MYRIP: variants seen among roughly 807,000 people sequenced by gnomAD.
MYRIP encodes the protein rab effector MyRIP.
A neutral mutation model predicts 98.0 loss-of-function variants in MYRIP; 49 were observed. That is an observed-to-expected ratio of 0.50 (90% CI 0.40 to 0.63). The LOEUF (loss-of-function observed/expected upper bound fraction) is 0.63. MYRIP is among the 30% of genes least tolerant of loss of function. The probability of loss-of-function intolerance (pLI) is 0.00; values close to 1 mark genes in which losing one functional copy is unlikely to be tolerated. For missense variants in MYRIP, 1,004 were observed against 1,058.2 expected, an observed-to-expected ratio of 0.95 and a Z score of 0.71; for synonymous variants, 404 against 409.5, an observed-to-expected ratio of 0.99 and a Z score of 0.16.
At chr3:40,109,363 G>A (rs549475870) in intron 3 of MYRIP, among the ~76,000 whole-genome samples, 6 of 152,310 alleles carry the variant, frequency 3.9e-5, no homozygotes, top group South Asian at 2.1e-4. Context: ...AGACTTAGTC[G>A]AGTTCATGCT....
chr3:40,072,284 C>T (rs2125859935), intron 3 of MYRIP, among the ~76,000 whole-genome samples: 1 of 152,290 alleles, frequency 6.6e-6, no homozygotes, highest in South Asian at 2.1e-4. Context: ...TCTTGGCTTA[C>T]TGCAACCTCT....
At chr3:40,039,233 G>C (rs1380245314) in intron 2 of MYRIP, among the ~76,000 whole-genome samples, 1 of 152,116 alleles carries the variant, frequency 6.6e-6, no homozygotes, top group African/African-American at 2.4e-5. Context: ...AGTCTACCTA[G>C]TCACATAGAC....
intron 3 of MYRIP, among the ~76,000 whole-genome samples, chr3:40,046,352 G>T (rs1947667954): frequency 6.6e-6 from 1 of 151,882 alleles, no homozygotes; most frequent in Admixed American, 6.6e-5. Flanking sequence ...CCAACTGGTG[G>T]TAAACACCGC....
intron 3 of MYRIP, among the ~76,000 whole-genome samples, chr3:40,133,917 G>A (rs1020264454): frequency 4.6e-5 from 7 of 152,156 alleles, no homozygotes; most frequent in Non-Finnish European, 8.8e-5. Context: ...CAAGATGGCC[G>A]AGTAGGAACA....
chr3:40,172,593 T>C (rs148527034), intron 8 of MYRIP, among the ~76,000 whole-genome samples: 23 of 152,322 alleles, frequency 1.5e-4, no homozygotes, highest in African/African-American at 5.1e-4. Context: ...AAGGTGACTG[T>C]ATCTTCAAGG....
chr3:40,031,945 G>A (rs1947271470), intron 2 of MYRIP, among the ~76,000 whole-genome samples: 1 of 151,926 alleles, frequency 6.6e-6, no homozygotes, highest in East Asian at 1.9e-4. Flanking sequence ...ACCAGCTCCT[G>A]GATTCATTAA....
At position 40,162,827 on chromosome 3, in the gene MYRIP, G is replaced by A. The variant is rs201271413; in HGVS notation, c.550+17G>A. On this transcript the variant is annotated intron_variant, in intron 5 of 16. Transcript: ENST00000302541. ...AGTCAGAAGGTAAAGTTGCTTAAGA[G>A]TTTACAGCTACTGGGAAGTTGGAGT... 2.3e-5 allele frequency: 37 copies of A among 1,607,800 alleles called. No homozygotes were observed. The highest frequency in any genetic ancestry group is 6.7e-5 in the African/African-American group (5 of 74,918).
rs146598579 is a variant in MYRIP at position 40,029,851 on chromosome 3, G to A, written c.111-14199G>A. Among the ~76,000 whole-genome samples the A allele has an allele frequency of 9.6e-3, 1,454 of 152,108 alleles. 26 individuals carry two copies. Among genetic ancestry groups the A allele is most frequent in the African/African-American group, 0.032 (1,340 of 41,490 alleles). ...GAGGTAGGAAGATTACTTGAAGCTAGGAATTTGAGACCAGCCTGGGCAGCA... is the reference window on the plus strand; with the variant it reads ...GAGGTAGGAAGATTACTTGAAGCTAAGAATTTGAGACCAGCCTGGGCAGCA... On this transcript the variant is annotated intron_variant, in intron 2 of 16. Coordinates refer to ENST00000302541, the MANE Select transcript of MYRIP (RefSeq NM_015460.4).
At chr3:40,110,445 G>A (rs1339691020) in intron 3 of MYRIP, among the ~76,000 whole-genome samples, 1 of 152,250 alleles carries the variant, frequency 6.6e-6, no homozygotes, top group Non-Finnish European at 1.5e-5. Context: ...ATGTGAGTAA[G>A]AGAAATCAAG....
intron 2 of MYRIP, among the ~76,000 whole-genome samples, chr3:39,973,733 A>G (rs1377955009): frequency 1.3e-5 from 2 of 152,234 alleles, no homozygotes; most frequent in East Asian, 3.8e-4. Context: ...ACTAGAACTC[A>G]GGATTAAGAA....
intron 4 of MYRIP, among the ~76,000 whole-genome samples, chr3:40,153,831 T>A (rs1375109988): frequency 6.6e-6 from 1 of 152,180 alleles, no homozygotes; most frequent in Admixed American, 6.5e-5. Context: ...TGCGGATCAC[T>A]GTAGTTTGCC....
At chr3:40,160,098 G>C (rs1055450891) in intron 4 of MYRIP, among the ~76,000 whole-genome samples, 2 of 152,156 alleles carry the variant, frequency 1.3e-5, no homozygotes, top group African/African-American at 4.8e-5. Context: ...CAGTTTTTCT[G>C]CTCTGTTTTT....
intron 3 of MYRIP, among the ~76,000 whole-genome samples, chr3:40,120,576 T>C (rs1949381954): frequency 6.6e-6 from 1 of 152,172 alleles, no homozygotes; most frequent in African/African-American, 2.4e-5. Flanking sequence ...GGAGGTGAGA[T>C]GCAGAAAGAT....
intron 3 of MYRIP, among the ~76,000 whole-genome samples, chr3:40,093,328 C>T (rs921563873): frequency 2.0e-5 from 3 of 152,154 alleles, no homozygotes; most frequent in African/African-American, 7.2e-5. Context: ...TTTTACTTAA[C>T]ACTCTCCCCT....
At chr3:39,884,416 A>G (rs1025218061) in intron 1 of MYRIP, among the ~76,000 whole-genome samples, 1 of 152,084 alleles carries the variant, frequency 6.6e-6, no homozygotes, top group Non-Finnish European at 1.5e-5. Flanking sequence ...TGGATATTCT[A>G]TGAGGGTGAT....
chr3:40,016,314 C>T (rs960724975), intron 2 of MYRIP, among the ~76,000 whole-genome samples: 13 of 152,228 alleles, frequency 8.5e-5, no homozygotes, highest in African/African-American at 2.6e-4. Flanking sequence ...CCTTCACTGC[C>T]AGGTATGCCT....
intron 1 of MYRIP, among the ~76,000 whole-genome samples, chr3:39,884,408 G>C (rs1943235226): frequency 6.6e-6 from 1 of 152,074 alleles, no homozygotes; most frequent in Non-Finnish European, 1.5e-5. Context: ...CATTATTTTG[G>C]ATATTCTATG....
At position 39,944,824 on chromosome 3, in the gene MYRIP, A is replaced by G. The variant is rs887961570; in HGVS notation, c.110+43898A>G. ...ACAATCGCAAGAAGTATTGTTTATG[A>G]GTTTCTACTTCTACTTCTAAGTAGG... On this transcript the variant is annotated intron_variant, in intron 2 of 16. Coordinates refer to ENST00000302541, the MANE Select transcript of MYRIP (RefSeq NM_015460.4). 2.6e-5 allele frequency among the ~76,000 whole-genome samples: 4 copies of G among 152,106 alleles called. No homozygotes were observed. In the South Asian group the frequency reaches 8.3e-4, roughly 32 times the overall value.
At position 39,853,835 on chromosome 3, in the gene MYRIP, A is replaced by C. The variant is rs181049335; in HGVS notation, c.-31+43919A>C. On this transcript the variant is annotated intron_variant, in intron 1 of 16. Coordinates refer to ENST00000302541, the MANE Select transcript of MYRIP (RefSeq NM_015460.4). The stretch of plus-strand genomic sequence containing the variant: ...CGGTCATGATCTCTTTGCTTAAGCC[A>C]GTGTCTAGAAGAGTTTTTCCAATGT... Among the ~76,000 whole-genome samples the C allele has an allele frequency of 2.6e-5, 4 of 152,078 alleles. No homozygotes were observed. In the South Asian group the frequency reaches 6.2e-4, roughly 24 times the overall value.
Sources: gnomAD v4.1 joint callset for allele counts (sites outside exome capture counted in the v4.1 genomes callset) on GRCh38, gnomAD v4.1.1 for gene constraint, MANE v1.5 for transcripts, NCBI Gene and HGNC (gene_info 2026-07-23, HGNC 2026-07-21) for gene names.